The following TUSC3 variants were observed in gnomAD, a reference collection of about 807,000 sequenced individuals.
TUSC3 encodes dolichyl-diphosphooligosaccharide--protein glycosyltransferase subunit TUSC3.
Under a neutral mutation model 44.8 loss-of-function variants are expected in TUSC3, and 45 were observed. That is an observed-to-expected ratio of 1.00 (90% CI 0.79 to 1.29). The LOEUF (loss-of-function observed/expected upper bound fraction) is 1.29. Ranked by LOEUF, TUSC3 falls within the 50% of genes most tolerant of loss-of-function variation. The pLI is 0.00. For missense variants in TUSC3, 519 were observed against 437.9 expected (o/e 1.19, Z -1.65); for synonymous variants, 212 against 152.9 (o/e 1.39, Z -2.85).
At position 15,523,698 on chromosome 8, in the gene TUSC3, G is replaced by GTATATA. The variant is rs1294890661; in HGVS notation, n.189+40216_189+40217insATATAT. On this transcript the variant is annotated intron_variant and non_coding_transcript_variant, in intron 2 of 5. Transcript: ENST00000503191. ...TGTGTGTGTGTGTGTGTGTGTGTGT[G>GTATATA]TGTGTGTGTGTATATATATATATAT... Among the ~76,000 whole-genome samples, 232 of 55,308 alleles carry GTATATA rather than the reference G, an allele frequency of 4.2e-3. 5 individuals carry two copies. Among genetic ancestry groups the GTATATA allele is most frequent in the African/African-American group, 0.015 (227 of 15,284 alleles). The allele number at this position is 55,308 out of a possible 152,430, so 36.3% of individuals were successfully genotyped here.
chr8:15,438,120 G>A (rs988747819), intron 1 of TUSC3, among the ~76,000 whole-genome samples: 3 of 152,066 alleles, frequency 2.0e-5, no homozygotes, highest in Non-Finnish European at 2.9e-5. Flanking sequence ...TTTTGAGACG[G>A]AGTTTCACTC....
chr8:15,763,747 C>G (rs1239772035), intron 10 of TUSC3, among the ~76,000 whole-genome samples: 1 of 151,936 alleles, frequency 6.6e-6, no homozygotes, highest in East Asian at 1.9e-4. Context: ...TGTGTATACT[C>G]TTTTTGGTTG....
chr8:15,522,774 C>T (rs527249571), intron 2 of TUSC3, among the ~76,000 whole-genome samples: 1 of 152,216 alleles, frequency 6.6e-6, no homozygotes, highest in South Asian at 2.1e-4. Flanking sequence ...TATCTCCAGG[C>T]AAAAGGAAGC....
chr8:15,835,841 C>G, the TUSC3 span, among the ~76,000 whole-genome samples: 1 of 119,486 alleles, frequency 8.4e-6, no homozygotes, highest in Non-Finnish European at 2.0e-5. Flanking sequence ...TTTACTTCAT[C>G]TATCATGGAC....
Position 15,633,709 on chromosome 8 carries a change from G to C in TUSC3, c.308+10460G>C, listed in dbSNP as rs576088644. Among the ~76,000 whole-genome samples the C allele has an allele frequency of 1.1e-4, 16 of 152,326 alleles. No individual in the cohort carries two copies. In the South Asian group the frequency reaches 2.3e-3, roughly 22 times the overall value. ...AGCCAGGGAATGTCAGGTATTGACA[G>C]CCATCATCAGAAGCTAGGAAGAGGC... is the stretch of plus-strand genomic sequence containing the variant. On this transcript the variant is annotated intron_variant, in intron 2 of 10. Coordinates refer to ENST00000503731, the MANE Select transcript of TUSC3 (RefSeq NM_006765.4).
intron 1 of TUSC3, among the ~76,000 whole-genome samples, chr8:15,472,476 G>A (rs150892666): frequency 1.4e-3 from 213 of 152,250 alleles, no homozygotes; most frequent in African/African-American, 4.4e-3. Context: ...ATCTCTGGCC[G>A]TTTCTTCCAT....
intron 1 of TUSC3, among the ~76,000 whole-genome samples, chr8:15,610,988 G>A (rs73524574): frequency 0.032 from 4,892 of 152,124 alleles, 109 homozygotes; most frequent in African/African-American, 0.061. Flanking sequence ...TTGTAGTACC[G>A]TCCACTGAAA....
chr8:15,662,649 C>A (rs1585205278), intron 5 of TUSC3, among the ~76,000 whole-genome samples: 1 of 151,916 alleles, frequency 6.6e-6, no homozygotes, highest in South Asian at 2.1e-4. Flanking sequence ...TCAGCTATTT[C>A]TTTTCTGACA....
chr8:15,699,434 C>G (rs938123658), intron 6 of TUSC3, among the ~76,000 whole-genome samples: 3 of 152,144 alleles, frequency 2.0e-5, no homozygotes, highest in Admixed American at 6.5e-5. Context: ...GTGAAACAGA[C>G]TACTTGGATT....
At chr8:15,514,506 A>G (rs1047458807) in intron 2 of TUSC3, among the ~76,000 whole-genome samples, 4 of 152,172 alleles carry the variant, frequency 2.6e-5, no homozygotes, top group Non-Finnish European at 5.9e-5. Flanking sequence ...TGAAATCTGA[A>G]CTGTAGACTT....
intron 7 of TUSC3, among the ~76,000 whole-genome samples, chr8:15,737,670 A>G (rs1333456212): frequency 2.0e-5 from 3 of 152,184 alleles, no homozygotes; most frequent in Non-Finnish European, 2.9e-5. Flanking sequence ...GGATATTCCA[A>G]TAAGGCAAAG....
chr8:15,541,124 A>C lies in TUSC3; in HGVS notation c.138+556A>C, dbSNP rs557395067. Among the ~76,000 whole-genome samples, 6 of 152,146 alleles carry C rather than the reference A, an allele frequency of 3.9e-5. No individual in the cohort carries two copies. In the South Asian group the frequency reaches 1.2e-3, roughly 32 times the overall value. On this transcript the variant is annotated intron_variant, in intron 1 of 10. Coordinates refer to ENST00000503731, the MANE Select transcript of TUSC3 (RefSeq NM_006765.4). ...CAGAACATATTGAGAGTGTGTTTTA[A>C]GTTATCCTGTATGTTTACTTTACGT...
Position 15,764,952 on chromosome 8 carries a change from A to C in TUSC3, c.*796A>C, listed in dbSNP as rs918336506. On this transcript the variant is annotated 3_prime_UTR_variant, in exon 11 of 11. Coordinates refer to ENST00000503731, the MANE Select transcript of TUSC3 (RefSeq NM_006765.4). ...ATCCATTTTCGAGCAAACCTAACCC[A>C]CTATATCCATTTTGCTCATGTGTTT... The C allele has an allele frequency of 1.3e-5, 2 of 152,000 alleles. No homozygotes were observed. The highest frequency in any genetic ancestry group is 2.9e-5 in the Non-Finnish European group (2 of 67,924). The allele number at this position is 152,000 out of a possible 1,614,324, so 9.4% of individuals were successfully genotyped here.
At chr8:15,561,294 G>A (rs908715583) in intron 1 of TUSC3, among the ~76,000 whole-genome samples, 17 of 148,092 alleles carry the variant, frequency 1.1e-4, no homozygotes, top group African/African-American at 3.5e-4. Flanking sequence ...CTGCTGGGGG[G>A]TGCCTCCCAG....
chr8:15,801,204 G>C, the TUSC3 span, among the ~76,000 whole-genome samples: 1 of 152,150 alleles, frequency 6.6e-6, no homozygotes, highest in South Asian at 2.1e-4. Context: ...GGTGGATTAC[G>C]CACGCCTCTC....
chr8:15,713,322 C>A (rs1336098410), intron 6 of TUSC3, among the ~76,000 whole-genome samples: 1 of 152,088 alleles, frequency 6.6e-6, no homozygotes, highest in African/African-American at 2.4e-5. Context: ...GTTTAATTTA[C>A]ATGCTTGTAA....
At chr8:15,471,870 T>A (rs1800498634) in intron 1 of TUSC3, among the ~76,000 whole-genome samples, 1 of 152,016 alleles carries the variant, frequency 6.6e-6, no homozygotes, top group Non-Finnish European at 1.5e-5. Flanking sequence ...CACCGACCCC[T>A]GCCTCCCAAA....
rs539969333 is a variant in TUSC3, at chr8:15,704,223, G to A, written c.799-26443G>A. ...AGTATCGGAAGATGGAACAGCAAGT[G>A]CAAAGGCCCCAAAATGGAAACATTC... On this transcript the variant is annotated intron_variant, in intron 6 of 10. Transcript: ENST00000503731. 3.0e-3 allele frequency among the ~76,000 whole-genome samples: 442 copies of A among 149,180 alleles called. 2 individuals carry two copies. Among genetic ancestry groups the A allele is most frequent in the Middle Eastern group, 0.022 (6 of 276 alleles).
At chr8:15,486,890 A>G (rs948636991) in intron 2 of TUSC3, among the ~76,000 whole-genome samples, 2 of 152,244 alleles carry the variant, frequency 1.3e-5, no homozygotes, top group African/African-American at 2.4e-5. Context: ...AGTAATAGCA[A>G]TATATCCAGG....
Sources: gnomAD v4.1 joint callset for allele counts (sites outside exome capture counted in the v4.1 genomes callset) on GRCh38, gnomAD v4.1.1 for gene constraint, MANE v1.5 for transcripts, NCBI Gene and HGNC (gene_info 2026-07-23, HGNC 2026-07-21) for gene names.